The following ANK2 variants were observed in gnomAD, a reference collection of about 807,000 sequenced individuals.
ANK2 encodes ankyrin 2.
A neutral mutation model predicts 360.5 loss-of-function variants in ANK2; 83 were observed. The observed-to-expected ratio is 0.23, with a 90% confidence interval of 0.19 to 0.28. The LOEUF (loss-of-function observed/expected upper bound fraction) is 0.28, where lower values mean the gene tolerates loss of function less well. Among genes scored for constraint, ANK2 ranks in the 10% least tolerant of loss-of-function variants. The probability of loss-of-function intolerance (pLI) is 1.00; values close to 1 mark genes in which losing one functional copy is unlikely to be tolerated. For missense variants in ANK2, 4,201 were observed against 4,795.7 expected, an observed-to-expected ratio of 0.88 and a Z score of 3.66; for synonymous variants, 1,740 against 1,759.5, an observed-to-expected ratio of 0.99 and a Z score of 0.28.
At chr4:113,020,698 C>T (rs1462290705) in intron 2 of ANK2, among the ~76,000 whole-genome samples, 3 of 151,980 alleles carry the variant, frequency 2.0e-5, no homozygotes, top group Non-Finnish European at 4.4e-5. Flanking sequence ...TGGTGGCATG[C>T]ACCTGTAATT....
chr4:113,261,991 T>C (rs2053184950), intron 13 of ANK2, among the ~76,000 whole-genome samples: 1 of 152,122 alleles, frequency 6.6e-6, no homozygotes, highest in African/African-American at 2.4e-5. Flanking sequence ...AGGTGGAGGT[T>C]GCAATGAGCC....
chr4:113,229,456 C>A (rs2099265920), intron 4 of ANK2, among the ~76,000 whole-genome samples: 1 of 152,172 alleles, frequency 6.6e-6, no homozygotes, highest in Non-Finnish European at 1.5e-5. Context: ...ACCTCCTCAT[C>A]TCAAAATTTT....
chr4:112,964,573 C>CTTT (rs1434179621), intron 2 of ANK2, among the ~76,000 whole-genome samples: 1 of 138,798 alleles, frequency 7.2e-6, no homozygotes, highest in Non-Finnish European at 1.6e-5. Context: ...TTTCTTTTTT[C>CTTT]TTTTTTTTTT....
chr4:113,199,909 TG>T (rs1388736602), intron 4 of ANK2, among the ~76,000 whole-genome samples: 1 of 152,208 alleles, frequency 6.6e-6, no homozygotes, highest in Non-Finnish European at 1.5e-5. Flanking sequence ...TGAAGGCCAT[TG>T]TGTAGGAATA....
At chr4:113,200,854 A>G (rs1225208721) in intron 4 of ANK2, among the ~76,000 whole-genome samples, 3 of 151,892 alleles carry the variant, frequency 2.0e-5, no homozygotes, top group Non-Finnish European at 4.4e-5. Context: ...ACATGGACAC[A>G]AGGCGGGGAA....
intron 22 of ANK2, 43 bp from the exon 23 acceptor site, chr4:113,302,724 C>T: frequency 6.6e-7 from 1 of 1,507,946 alleles, no homozygotes; most frequent in Admixed American, 1.7e-5. Flanking sequence ...CTTTTGTTTA[C>T]TTTTGGTTTC....
intron 2 of ANK2, among the ~76,000 whole-genome samples, chr4:112,947,299 A>T (rs1279564907): frequency 1.3e-5 from 2 of 152,172 alleles, no homozygotes; most frequent in Admixed American, 6.5e-5. Context: ...TTGCTTTGGG[A>T]TCCTGCTATC....
At chr4:112,753,669 A>T in the ANK2 span, among the ~76,000 whole-genome samples, 1 of 152,022 alleles carries the variant, frequency 6.6e-6, no homozygotes, top group Non-Finnish European at 1.5e-5. Context: ...CATGAGAGTG[A>T]CCTCTGGTTA....
intron 2 of ANK2, among the ~76,000 whole-genome samples, chr4:113,022,309 C>G (rs1283659957): frequency 6.6e-6 from 1 of 152,304 alleles, no homozygotes; most frequent in East Asian, 1.9e-4. Flanking sequence ...CTATTAAAAT[C>G]AATTCTAGTT....
chr4:113,301,410 C>T (rs117320469), intron 22 of ANK2, among the ~76,000 whole-genome samples: 6,235 of 136,056 alleles, frequency 0.046, 314 homozygotes, highest in East Asian at 0.28. Flanking sequence ...CACACACACA[C>T]ACATTGTGAA....
At chr4:113,075,316 A>G (rs1425216113) in intron 1 of ANK2, among the ~76,000 whole-genome samples, 1 of 152,236 alleles carries the variant, frequency 6.6e-6, no homozygotes, top group Non-Finnish European at 1.5e-5. Context: ...CACCCTATAT[A>G]TCCCCATATA....
Position 113,282,888 on chromosome 4 carries a change from T to C in ANK2, c.2079+16T>C. The C allele has an allele frequency of 6.2e-7, 1 of 1,613,418 alleles. No homozygotes were observed. Among genetic ancestry groups the C allele is most frequent in the Non-Finnish European group, 8.5e-7 (1 of 1,179,484 alleles). On this transcript the variant is annotated intron_variant, in intron 18 of 45. Coordinates refer to ENST00000357077, the MANE Select transcript of ANK2 (RefSeq NM_001148.6). The stretch of plus-strand genomic sequence containing the variant: ...GTCAACTAAGGTATTCTGTCCTTTC[T>C]TGCATCAATCAAGAGTGTTTTGGAT...
In ANK2 at chr4:113,335,864, A is replaced by T. The variant is rs2093461688; in HGVS notation, c.3398A>T (p.Asp1133Val). 6.2e-7 allele frequency: 1 copy of T among 1,614,156 alleles called. No individual in the cohort carries two copies. Among genetic ancestry groups the T allele is most frequent in the South Asian group, 1.1e-5 (1 of 91,084 alleles). Residue 1133 changes from aspartate to valine, a missense_variant, in exon 30 of 46, where the codon GAC (aspartate) becomes GTC (valine). This residue lies in a region of ANK2 where 1,268 missense variants were observed against 1,650.8 expected (regional missense o/e 0.77). Coordinates refer to ENST00000357077, the MANE Select transcript of ANK2 (RefSeq NM_001148.6). ...GTCTTAGTACTGGATAGCCCAGAAG[A>T]CCTAGAAAAGAAACGAATCTGCCGC... ...GMDEVLDSPEDLEKKRICRII... is the reference protein window; with the variant it reads ...GMDEVLDSPEVLEKKRICRII...
At chr4:112,765,133 A>T in the ANK2 span, among the ~76,000 whole-genome samples, 1 of 152,252 alleles carries the variant, frequency 6.6e-6, no homozygotes, top group Non-Finnish European at 1.5e-5. Flanking sequence ...ATAATTGTTC[A>T]TGCTGAATAT....
In ANK2 at chr4:112,826,853, G is replaced by A. The variant is rs2058517337; in HGVS notation, c.-40+8589G>A. The A allele has an allele frequency of 1.3e-5, 19 of 1,411,226 alleles. No individual in the cohort carries two copies. The South Asian group carries it at 2.0e-4, about 15-fold the overall frequency. 87.4% of individuals were successfully genotyped at this position (1,411,226 alleles called of 1,614,324 possible). A position where few individuals can be genotyped will look rare whatever the true frequency, so the allele number is the denominator to read the frequency against. On this transcript the variant is annotated intron_variant, in intron 1 of 30. Transcript: ENST00000503271. The stretch of plus-strand genomic sequence containing the variant: ...AAGAGAATGGAACAATATGCTTCAG[G>A]GATGAAGATGACATCAATGATGTGA...
At chr4:113,029,218 T>C (rs569348434) in intron 2 of ANK2, among the ~76,000 whole-genome samples, 5 of 152,180 alleles carry the variant, frequency 3.3e-5, no homozygotes, top group South Asian at 2.1e-4. Flanking sequence ...AGACTCATGA[T>C]AGGAGGATTC....
chr4:112,925,133 T>C (rs1439839830), intron 2 of ANK2, among the ~76,000 whole-genome samples: 1 of 152,170 alleles, frequency 6.6e-6, no homozygotes, highest in Non-Finnish European at 1.5e-5. Context: ...CCACCGCACC[T>C]GGCCATTTAT....
chr4:112,911,614 C>T (rs1200225898), intron 2 of ANK2, among the ~76,000 whole-genome samples: 1 of 152,112 alleles, frequency 6.6e-6, no homozygotes, highest in African/African-American at 2.4e-5. Flanking sequence ...CGTGCCCACA[C>T]CTGGCTGCCA....
intron 26 of ANK2, among the ~76,000 whole-genome samples, chr4:113,330,016 G>T (rs937290618): frequency 1.6e-4 from 25 of 151,988 alleles, no homozygotes; most frequent in African/African-American, 6.0e-4. Flanking sequence ...GCAAAAATTA[G>T]AATTATTCTT....
Sources: gnomAD v4.1 joint callset for allele counts (sites outside exome capture counted in the v4.1 genomes callset) on GRCh38, gnomAD v4.1.1 for gene constraint, gnomAD v4.1.1 regional missense constraint, MANE v1.5 for transcripts, NCBI Gene and HGNC (gene_info 2026-07-23, HGNC 2026-07-21) for gene names.